Variants in AGMO observed in about 807,000 individuals in gnomAD.
The protein encoded by AGMO is alkylglycerol monooxygenase.
Under a neutral mutation model 60.2 loss-of-function variants are expected in AGMO, and 75 were observed. The observed-to-expected ratio is 1.25, with a 90% CI of 1.03 to 1.51. AGMO has a LOEUF of 1.51. Among genes scored for constraint, AGMO ranks in the 40% most tolerant of loss-of-function variants. The pLI is 0.00. For synonymous variants in AGMO, 261 were observed against 177.1 expected (o/e 1.47, Z -3.76); for missense variants, 763 against 525.5 (o/e 1.45, Z -4.42).
At chr7:15,410,009 T>C (rs1168954009) in intron 5 of AGMO, among the ~76,000 whole-genome samples, 1 of 151,400 alleles carries the variant, frequency 6.6e-6, no homozygotes, top group African/African-American at 2.4e-5. Context: ...AAATAATAAA[T>C]AAATAAATAG....
At chr7:15,127,287 A>G in the AGMO span, among the ~76,000 whole-genome samples, 60 of 152,256 alleles carry the variant, frequency 3.9e-4, no homozygotes, top group African/African-American at 1.4e-3. Flanking sequence ...TCTTTTCATC[A>G]ACAAACACAT....
intron 12 of AGMO, among the ~76,000 whole-genome samples, chr7:15,269,064 G>C (rs1216487212): frequency 6.6e-6 from 1 of 152,068 alleles, no homozygotes; most frequent in African/African-American, 2.4e-5. Context: ...TTTTGGCATT[G>C]TGGGCCATAC....
intron 12 of AGMO, among the ~76,000 whole-genome samples, chr7:15,319,704 G>C (rs557265289): frequency 1.3e-5 from 2 of 151,790 alleles, no homozygotes; most frequent in South Asian, 2.1e-4. Flanking sequence ...CACACACACG[G>C]AAAGATTCCA....
intron 3 of AGMO, among the ~76,000 whole-genome samples, chr7:15,461,896 T>TA (rs1426987284): frequency 6.6e-6 from 1 of 152,082 alleles, no homozygotes; most frequent in Non-Finnish European, 1.5e-5. Context: ...AATGTCACGA[T>TA]AAAAAAGTAT....
At chr7:15,151,537 T>C in the AGMO span, among the ~76,000 whole-genome samples, 3 of 152,142 alleles carry the variant, frequency 2.0e-5, no homozygotes, top group Non-Finnish European at 2.9e-5. Flanking sequence ...TTAAAGAATT[T>C]TTTTCTGTTT....
At chr7:15,243,642 T>C (rs978740277) in intron 12 of AGMO, among the ~76,000 whole-genome samples, 1 of 152,146 alleles carries the variant, frequency 6.6e-6, no homozygotes, top group African/African-American at 2.4e-5. Context: ...ATTTTAAATA[T>C]TTTAAGTAGT....
intron 3 of AGMO, among the ~76,000 whole-genome samples, chr7:15,454,201 AAC>A (rs1781933951): frequency 6.6e-6 from 1 of 151,992 alleles, no homozygotes; most frequent in African/African-American, 2.4e-5. Flanking sequence ...GGAAAAAAGA[AAC>A]ACACACTAAC....
At chr7:15,504,933 T>C (rs1441946022) in intron 3 of AGMO, among the ~76,000 whole-genome samples, 1 of 151,990 alleles carries the variant, frequency 6.6e-6, no homozygotes, top group African/African-American at 2.4e-5. Flanking sequence ...AAATTATTAG[T>C]TATCATACTA....
intron 11 of AGMO, 131 bp from the exon 12 acceptor site, chr7:15,365,750 C>G: frequency 1.5e-6 from 1 of 663,658 alleles, no homozygotes; most frequent in Admixed American, 3.2e-5. Flanking sequence ...AGCATGTCCC[C>G]TGAAGCAATT....
intron 12 of AGMO, among the ~76,000 whole-genome samples, chr7:15,318,010 A>AT (rs5882495): frequency 0.047 from 6,539 of 137,860 alleles, 324 homozygotes; most frequent in African/African-American, 0.1. Context: ...ATATACATAT[A>AT]TTTTTTTTTT....
intron 2 of AGMO, among the ~76,000 whole-genome samples, chr7:15,558,710 C>G (rs982705190): frequency 1.3e-5 from 2 of 151,902 alleles, no homozygotes; most frequent in Non-Finnish European, 2.9e-5. Context: ...TACTATATAC[C>G]TAATAATGCA....
intron 12 of AGMO, among the ~76,000 whole-genome samples, chr7:15,316,151 G>C (rs1213295338): frequency 1.3e-5 from 2 of 152,110 alleles, no homozygotes; most frequent in African/African-American, 4.8e-5. Flanking sequence ...ATTGCATCTT[G>C]GTATTGGAGT....
chr7:15,209,570 T>C (rs79896655), intron 12 of AGMO, among the ~76,000 whole-genome samples: 2,188 of 152,264 alleles, frequency 0.014, 51 homozygotes, highest in African/African-American at 0.045. Flanking sequence ...CATACGCTAA[T>C]AGAAGGCCAG....
chr7:15,160,418 G>A, the AGMO span, among the ~76,000 whole-genome samples: 6 of 152,024 alleles, frequency 3.9e-5, no homozygotes, highest in South Asian at 2.1e-4. Flanking sequence ...ATGTAAATCC[G>A]TAATGACTTA....
intron 6 of AGMO, 39 bp from the exon 7 acceptor site, chr7:15,390,944 T>C (rs1370166928): frequency 1.5e-6 from 2 of 1,306,366 alleles, no homozygotes; most frequent in South Asian, 2.7e-5. Context: ...TTCAGAAAAA[T>C]AGTTATGCTT....
chr7:15,120,884 C>T, the AGMO span, among the ~76,000 whole-genome samples: 1 of 151,796 alleles, frequency 6.6e-6, no homozygotes, highest in Non-Finnish European at 1.5e-5. Flanking sequence ...ATACACGTGC[C>T]ACAGTGATTT....
At chr7:15,440,224 A>C (rs776131425) in intron 3 of AGMO, among the ~76,000 whole-genome samples, 3 of 152,200 alleles carry the variant, frequency 2.0e-5, no homozygotes, top group Non-Finnish European at 4.4e-5. Context: ...TTATACAGGC[A>C]GATCTGAGAA....
chr7:15,514,034 C>G (rs983172975), intron 3 of AGMO, among the ~76,000 whole-genome samples: 3 of 152,282 alleles, frequency 2.0e-5, no homozygotes, highest in Middle Eastern at 3.4e-3. Context: ...TCTCTCAAAG[C>G]TTTTAATACC....
chr7:15,232,267 A>AGTGGAG (rs1782283581), intron 12 of AGMO, among the ~76,000 whole-genome samples: 2 of 152,200 alleles, frequency 1.3e-5, no homozygotes, highest in Admixed American at 6.5e-5. Flanking sequence ...AGACATGGGA[A>AGTGGAG]GTGGAGGTGC....
Sources: allele counts gnomAD v4.1 joint callset (sites outside exome capture counted in the v4.1 genomes callset), GRCh38; gene constraint gnomAD v4.1.1; transcripts MANE v1.5; gene names NCBI Gene and HGNC (gene_info 2026-07-23, HGNC 2026-07-21).